The following YAP1 variants were observed in gnomAD, a reference collection of about 807,000 sequenced individuals.
The protein encoded by YAP1 is transcriptional coactivator YAP1.
A neutral mutation model predicts 56.9 loss-of-function variants in YAP1; 5 were observed. The ratio of observed to expected loss-of-function variants is 0.09; its 90% CI spans 0.05 to 0.18. The LOEUF is 0.18. Ranked by LOEUF, YAP1 falls within the 10% of genes least tolerant of loss-of-function variation. The probability of loss-of-function intolerance (pLI) is 1.00; values close to 1 mark genes in which losing one functional copy is unlikely to be tolerated. For synonymous variants in YAP1, 265 were observed against 248.1 expected (o/e 1.07, Z -0.64); for missense variants, 539 against 651.8 (o/e 0.83, Z 1.88).
At chr11:102,214,597 T>C (rs1156998125) in intron 6 of YAP1, among the ~76,000 whole-genome samples, 3 of 152,226 alleles carry the variant, frequency 2.0e-5, no homozygotes, top group East Asian at 3.8e-4. Flanking sequence ...TCTAACGTTA[T>C]CTTTCTCTTC....
At chr11:102,162,795 G>C (rs1946370264) in intron 3 of YAP1, among the ~76,000 whole-genome samples, 1 of 152,130 alleles carries the variant, frequency 6.6e-6, no homozygotes, top group African/African-American at 2.4e-5. Context: ...GAAAGCCAGT[G>C]GTTCTTTAAG....
chr11:102,194,535 A>T (rs1565254424), intron 4 of YAP1, among the ~76,000 whole-genome samples: 1 of 152,208 alleles, frequency 6.6e-6, no homozygotes, highest in Non-Finnish European at 1.5e-5. Context: ...CATGCCAGGC[A>T]CTATGCTAGC....
chr11:102,149,390 T>C (rs972410045), intron 2 of YAP1, among the ~76,000 whole-genome samples: 1 of 152,138 alleles, frequency 6.6e-6, no homozygotes, highest in African/African-American at 2.4e-5. Context: ...TAGGATACCT[T>C]CAAGAGAGAA....
chr11:102,229,422 T>G (rs1322590077), intron 8 of YAP1, among the ~76,000 whole-genome samples: 1 of 152,184 alleles, frequency 6.6e-6, no homozygotes, highest in Non-Finnish European at 1.5e-5. Flanking sequence ...TGCATATAAT[T>G]TTTCAAGGGC....
chr11:102,110,793 G>A lies in YAP1; in HGVS notation c.-56G>A, dbSNP rs2135083234. On this transcript the variant is annotated 5_prime_UTR_variant, in exon 1 of 9. Coordinates refer to ENST00000282441, the MANE Select transcript of YAP1 (RefSeq NM_001130145.3). ...CTCGGCCCGTGGAGCCGGGGCGTCC[G>A]GGCGTAGCCCTCGCTCGCCTGGGTC... 1.6e-6 allele frequency: 2 copies of A among 1,281,406 alleles called. No homozygotes were observed. Among genetic ancestry groups the A allele is most frequent in the East Asian group, 6.8e-5 (2 of 29,228 alleles). The allele number at this position is 1,281,406 out of a possible 1,614,324, so 79.4% of individuals were successfully genotyped here. A position where few individuals can be genotyped will look rare whatever the true frequency, so the allele number is the denominator to read the frequency against.
At chr11:102,206,210 A>C in intron 5 of YAP1, 136 bp downstream of exon 5, 2 of 1,044,054 alleles carry the variant, frequency 1.9e-6, no homozygotes, top group South Asian at 1.9e-5. Flanking sequence ...GAAGCATTCT[A>C]TCCAGCCCTG....
chr11:102,204,796 G>A (rs1460447959), intron 4 of YAP1, among the ~76,000 whole-genome samples: 1 of 152,124 alleles, frequency 6.6e-6, no homozygotes, highest in Non-Finnish European at 1.5e-5. Flanking sequence ...TGGTATCAAG[G>A]TTATGCTGGC....
At position 102,139,358 on chromosome 11, in the gene YAP1, T is replaced by A. The variant is rs185657381; in HGVS notation, c.573-23098T>A. Among the ~76,000 whole-genome samples the A allele has an allele frequency of 7.9e-5, 12 of 152,232 alleles. No individual in the cohort carries two copies. In the East Asian group the frequency reaches 2.3e-3, roughly 29 times the overall value. On this transcript the variant is annotated intron_variant, in intron 2 of 8. Transcript: ENST00000282441. ...TTTCCTCAGGCCTGCAATTTGAAGC[T>A]ATTATAGCAAAGTTGCTGAGCAAGT...
At chr11:102,184,475 A>G (rs1591354222) in intron 3 of YAP1, among the ~76,000 whole-genome samples, 1 of 152,364 alleles carries the variant, frequency 6.6e-6, no homozygotes, top group East Asian at 1.9e-4. Context: ...TGTACTACAC[A>G]TCCAGGACTG....
intron 3 of YAP1, among the ~76,000 whole-genome samples, chr11:102,180,661 G>A (rs1466170929): frequency 1.6e-5 from 2 of 122,926 alleles, no homozygotes; most frequent in East Asian, 2.5e-4. Context: ...CAGCCTGGGC[G>A]ACTGAGCAAG....
chr11:102,139,255 C>T (rs1235483500), intron 2 of YAP1, among the ~76,000 whole-genome samples: 1 of 151,872 alleles, frequency 6.6e-6, no homozygotes, highest in African/African-American at 2.4e-5. Flanking sequence ...CATGGTGACT[C>T]CTCCATTTTT....
At position 102,168,464 on chromosome 11, in the gene YAP1, T is replaced by A. The variant is rs368386303; in HGVS notation, c.688+5893T>A. Among the ~76,000 whole-genome samples, 27 of 152,354 alleles carry A rather than the reference T, an allele frequency of 1.8e-4. 1 individual carries two copies. The highest frequency in any genetic ancestry group is 1.2e-3 in the Admixed American group (18 of 15,312). ...CAAAGCCTAAATGTCTTATTACAGG[T>A]ACATTTTAGAGAATTCATTATTTAT... On this transcript the variant is annotated intron_variant, in intron 3 of 8. Transcript: ENST00000282441.
intron 7 of YAP1, among the ~76,000 whole-genome samples, chr11:102,224,921 G>A (rs987276544): frequency 5.9e-5 from 9 of 152,136 alleles, no homozygotes; most frequent in Non-Finnish European, 1.0e-4. Flanking sequence ...TGTTGAAGGG[G>A]CTATATTAAT....
At chr11:102,198,662 C>T (rs1277876583) in intron 4 of YAP1, among the ~76,000 whole-genome samples, 1 of 152,106 alleles carries the variant, frequency 6.6e-6, no homozygotes, top group Non-Finnish European at 1.5e-5. Context: ...GAACCAAAAA[C>T]ACTTTTCCCC....
chr11:102,112,236 A>G (rs1175006003), intron 1 of YAP1, among the ~76,000 whole-genome samples: 1 of 152,200 alleles, frequency 6.6e-6, no homozygotes, highest in Non-Finnish European at 1.5e-5. Context: ...TAGGATCGCC[A>G]TTGCTTTTTA....
intron 2 of YAP1, among the ~76,000 whole-genome samples, chr11:102,118,750 CAA>C (rs11384976): frequency 7.3e-6 from 1 of 137,892 alleles, no homozygotes; most frequent in African/African-American, 2.7e-5. Context: ...GACTCTATCT[CAA>C]AAAAAAAAAA....
At chr11:102,229,220 G>C (rs899344621) in intron 8 of YAP1, among the ~76,000 whole-genome samples, 2 of 152,190 alleles carry the variant, frequency 1.3e-5, no homozygotes, top group Non-Finnish European at 2.9e-5. Context: ...TTTGCTGTTA[G>C]GAAGGTGCAT....
chr11:102,147,817 A>G (rs1945408814), intron 2 of YAP1, among the ~76,000 whole-genome samples: 1 of 152,166 alleles, frequency 6.6e-6, no homozygotes, highest in Non-Finnish European at 1.5e-5. Flanking sequence ...CTTTTACTAA[A>G]CATTTCGTAA....
Position 102,229,779 on chromosome 11 carries a change from A to C in YAP1, c.1354A>C (p.Asn452His), listed in dbSNP as rs61751183. 3.7e-6 allele frequency: 6 copies of C among 1,614,076 alleles called. No individual in the cohort carries two copies. Among genetic ancestry groups the C allele is most frequent in the Middle Eastern group, 1.6e-4 (1 of 6,084 alleles). ...CTACCTTGAAGCCATTCCTGGGACAAATGTGGACCTTGGAACACTGGAAGG... is the reference window on the plus strand; with the variant it reads ...CTACCTTGAAGCCATTCCTGGGACACATGTGGACCTTGGAACACTGGAAGG... ...PDYLEAIPGT[N>H]VDLGTLEGDG... is the part of the protein sequence containing the mutation. Residue 452 changes from asparagine (N) to histidine (H), a missense_variant, in exon 9 of 9, where the codon AAT becomes CAT. Physicochemically the swap from Asn to His is moderately conservative, Grantham distance 68 (BLOSUM62 1). Transcript: ENST00000282441.
Sources: gnomAD v4.1 joint callset for allele counts (sites outside exome capture counted in the v4.1 genomes callset) on GRCh38, gnomAD v4.1.1 for gene constraint, MANE v1.5 for transcripts, NCBI Gene and HGNC (gene_info 2026-07-23, HGNC 2026-07-21) for gene names.